The following RASGRP3 variants were observed in gnomAD, a reference collection of about 807,000 sequenced individuals.
The protein encoded by RASGRP3 is ras guanyl-releasing protein 3.
In RASGRP3, 54 loss-of-function variants were observed where a neutral mutation model predicts 82.7. The observed-to-expected ratio is 0.65, with a 90% CI of 0.52 to 0.82. RASGRP3 has a LOEUF of 0.82. Ranked by LOEUF, RASGRP3 falls within the 40% of genes least tolerant of loss-of-function variation. The pLI, the probability that RASGRP3 is intolerant of heterozygous loss-of-function variation, is 0.00. For synonymous variants in RASGRP3, 309 were observed against 300.5 expected (o/e 1.03, Z -0.29); for missense variants, 861 against 828.9 (o/e 1.04, Z -0.48).
At position 33,515,238 on chromosome 2, in the gene RASGRP3, G is replaced by A. The variant is rs757835759; in HGVS notation, c.70+32G>A. On this transcript the variant is annotated intron_variant, in intron 3 of 17. Coordinates refer to ENST00000403687, the MANE Select transcript of RASGRP3 (RefSeq NM_001139488.2). ...GCCTTTTCTCCTTTCATCTCTTTTG[G>A]ATCTCTCGATGCTCTCACTTTCCTC... is the stretch of plus-strand genomic sequence containing the variant. 8.7e-6 allele frequency: 14 copies of A among 1,605,306 alleles called. 1 individual carries two copies. The South Asian group carries it at 1.5e-4, about 18-fold the overall frequency.
At chr2:33,535,148 C>A (rs1271326772) in intron 11 of RASGRP3, among the ~76,000 whole-genome samples, 1 of 152,150 alleles carries the variant, frequency 6.6e-6, no homozygotes, top group Non-Finnish European at 1.5e-5. Flanking sequence ...TCTCTACTAA[C>A]CATTGATTCA....
chr2:33,519,152 G>A (rs1046257716), intron 4 of RASGRP3, among the ~76,000 whole-genome samples: 1 of 152,042 alleles, frequency 6.6e-6, no homozygotes, highest in Non-Finnish European at 1.5e-5. Context: ...AATGCATTGG[G>A]TTACAACATT....
At chr2:33,455,223 T>G (rs917249536) in intron 2 of RASGRP3, among the ~76,000 whole-genome samples, 1 of 152,226 alleles carries the variant, frequency 6.6e-6, no homozygotes, top group African/African-American at 2.4e-5. Flanking sequence ...TCAAAGAAGA[T>G]TTTTCTATAT....
intron 1 of RASGRP3, among the ~76,000 whole-genome samples, chr2:33,495,532 G>A (rs1669229758): frequency 6.6e-6 from 1 of 151,264 alleles, no homozygotes; most frequent in Non-Finnish European, 1.5e-5. Context: ...CAGGGGTTGG[G>A]GACCCCTGGT....
intron 2 of RASGRP3, among the ~76,000 whole-genome samples, chr2:33,463,889 C>T (rs888824635): frequency 2.0e-5 from 3 of 151,756 alleles, no homozygotes; most frequent in African/African-American, 7.2e-5. Flanking sequence ...CATGAGCCAC[C>T]GTGCCCAGCC....
intron 13 of RASGRP3, among the ~76,000 whole-genome samples, chr2:33,546,818 A>C (rs1674808377): frequency 6.6e-6 from 1 of 152,206 alleles, no homozygotes; most frequent in Non-Finnish European, 1.5e-5. Flanking sequence ...CTGTAATCCC[A>C]GCACTTTGGG....
chr2:33,538,844 G>A (rs1344025404), intron 11 of RASGRP3, among the ~76,000 whole-genome samples: 1 of 151,998 alleles, frequency 6.6e-6, no homozygotes, highest in Non-Finnish European at 1.5e-5. Context: ...TTAGAGACCA[G>A]CCTGTGCAAC....
At chr2:33,549,901 C>A in intron 14 of RASGRP3, 150 bp downstream of exon 14, 4 of 1,061,316 alleles carry the variant, frequency 3.8e-6, no homozygotes, top group South Asian at 1.8e-5. Flanking sequence ...GATTAAACAC[C>A]AAAGGCAAGG....
intron 1 of RASGRP3, among the ~76,000 whole-genome samples, chr2:33,504,318 C>T (rs1036863804): frequency 1.3e-5 from 2 of 151,940 alleles, no homozygotes; most frequent in African/African-American, 4.8e-5. Context: ...CCCGCAATGC[C>T]CTGGGCATCT....
intron 12 of RASGRP3, among the ~76,000 whole-genome samples, chr2:33,543,189 T>G (rs1674430163): frequency 6.6e-6 from 1 of 151,790 alleles, no homozygotes; most frequent in African/African-American, 2.4e-5. Flanking sequence ...ATTAAAAATG[T>G]TTTTTTGTAG....
At chr2:33,505,755 G>T (rs181216043) in intron 1 of RASGRP3, among the ~76,000 whole-genome samples, 1 of 152,222 alleles carries the variant, frequency 6.6e-6, no homozygotes, top group South Asian at 2.1e-4. Context: ...GAACACTCGA[G>T]TTGCCATAGT....
chr2:33,455,024 G>T (rs1217234323), intron 2 of RASGRP3, among the ~76,000 whole-genome samples: 8 of 152,150 alleles, frequency 5.3e-5, no homozygotes, highest in Non-Finnish European at 1.0e-4. Context: ...GGTAGGGGGG[G>T]CATAAGGGGT....
chr2:33,466,724 A>G (rs1286610699), intron 2 of RASGRP3, among the ~76,000 whole-genome samples: 1 of 151,962 alleles, frequency 6.6e-6, no homozygotes, highest in Non-Finnish European at 1.5e-5. Context: ...CTGCAGATGC[A>G]GGGGAAACAG....
chr2:33,555,375 G>C (rs1675834989), intron 14 of RASGRP3, 156 bp from the exon 15 acceptor site: 1 of 529,350 alleles, frequency 1.9e-6, no homozygotes, highest in South Asian at 2.8e-5. Context: ...GGCCGGGAGA[G>C]GGTTCTTCTA....
intron 13 of RASGRP3, 21 bp downstream of exon 13, chr2:33,543,648 A>G (rs1004022158): frequency 6.8e-7 from 1 of 1,479,038 alleles, no homozygotes; most frequent in Non-Finnish European, 9.3e-7. Context: ...ATTTTGTTTT[A>G]TTTTAATGCA....
At position 33,563,103 on chromosome 2, in the gene RASGRP3, G is replaced by A. The variant is rs1676870205; in HGVS notation, c.*366G>A. On this transcript the variant is annotated 3_prime_UTR_variant, in exon 18 of 18. Coordinates refer to ENST00000403687, the MANE Select transcript of RASGRP3 (RefSeq NM_001139488.2). ...AACTCAGACTTCGCTTTTTTTGTGA[G>A]ACTATCCTTTCAATATTTTTATAAA... is the stretch of plus-strand genomic sequence containing the variant. The A allele has an allele frequency of 8.1e-6, 2 of 245,494 alleles. No individual in the cohort carries two copies. The highest frequency in any genetic ancestry group is 1.5e-5 in the Non-Finnish European group (2 of 129,470). The allele number at this position is 245,494 out of a possible 1,614,324, so 15.2% of individuals were successfully genotyped here.
chr2:33,470,944 G>C (rs998117613), intron 2 of RASGRP3, among the ~76,000 whole-genome samples: 1 of 151,628 alleles, frequency 6.6e-6, no homozygotes, highest in African/African-American at 2.4e-5. Flanking sequence ...TCTTTTTCTT[G>C]CCTGGTTGCA....
chr2:33,477,415 A>G (rs1667474484), intron 1 of RASGRP3, among the ~76,000 whole-genome samples: 2 of 152,192 alleles, frequency 1.3e-5, no homozygotes, highest in South Asian at 4.1e-4. Context: ...CTTCACCTTC[A>G]TTACTTTAAA....
At position 33,540,570 on chromosome 2, in the gene RASGRP3, G is replaced by T. The variant is rs1319313445; in HGVS notation, c.1278+1360G>T. 6.8e-3 allele frequency among the ~76,000 whole-genome samples: 152 copies of T among 22,260 alleles called. 5 individuals are homozygous for T. The highest frequency in any genetic ancestry group is 0.026 in the African/African-American group (149 of 5,768). The allele number at this position is 22,260 out of a possible 152,430, so 14.6% of individuals were successfully genotyped here. On this transcript the variant is annotated intron_variant, in intron 12 of 17. Transcript: ENST00000403687. ...GTGTGTGTGTTTTGTGTGTGTGTGTGTGTGTGTGTGTGTGTGTGTGTGTGT... is the reference window on the plus strand; with the variant it reads ...GTGTGTGTGTTTTGTGTGTGTGTGTTTGTGTGTGTGTGTGTGTGTGTGTGT...
Sources: gnomAD v4.1 joint callset for allele counts (sites outside exome capture counted in the v4.1 genomes callset) on GRCh38, gnomAD v4.1.1 for gene constraint, MANE v1.5 for transcripts, NCBI Gene and HGNC (gene_info 2026-07-23, HGNC 2026-07-21) for gene names.